ZC3H12C: variants seen among roughly 807,000 people sequenced by gnomAD.
ZC3H12C encodes zinc finger CCCH-type containing 12C.
A neutral mutation model predicts 76.3 loss-of-function variants in ZC3H12C; 20 were observed. The ratio of observed to expected loss-of-function variants is 0.26; its 90% CI spans 0.18 to 0.38. ZC3H12C has a LOEUF of 0.38. Among genes scored for constraint, ZC3H12C ranks in the 10% least tolerant of loss-of-function variants. The probability of loss-of-function intolerance (pLI) is 1.00; values close to 1 mark genes in which losing one functional copy is unlikely to be tolerated. For synonymous variants in ZC3H12C, 352 were observed against 399.6 expected, an observed-to-expected ratio of 0.88 and a Z score of 1.42; for missense variants, 874 against 1,086.5, an observed-to-expected ratio of 0.80 and a Z score of 2.75.
At chr11:110,159,199 C>A in intron 3 of ZC3H12C, 57 bp from the exon 4 acceptor site, 2 of 1,335,488 alleles carry the variant, frequency 1.5e-6, no homozygotes, top group Admixed American at 2.0e-5. Context: ...ATGAAAGTTG[C>A]CATGTGTGTT....
intron 1 of ZC3H12C, among the ~76,000 whole-genome samples, chr11:110,094,460 A>T (rs1356449433): frequency 1.3e-5 from 2 of 152,218 alleles, no homozygotes; most frequent in African/African-American, 4.8e-5. Flanking sequence ...CACTTTTAAA[A>T]TGCATATTAT....
At chr11:110,093,951 G>A (rs1030701511) in intron 1 of ZC3H12C, among the ~76,000 whole-genome samples, 1 of 152,090 alleles carries the variant, frequency 6.6e-6, no homozygotes, top group Admixed American at 6.5e-5. Flanking sequence ...CGAGCGTCAC[G>A]AAAGCCCCTC....
chr11:110,149,887 A>G (rs1441288325), intron 2 of ZC3H12C, among the ~76,000 whole-genome samples: 3 of 151,624 alleles, frequency 2.0e-5, no homozygotes, highest in African/African-American at 7.3e-5. Context: ...CAATATGTCT[A>G]TTTTTCTTAA....
chr11:110,096,926 A>C (rs1294843481), intron 1 of ZC3H12C, among the ~76,000 whole-genome samples: 1 of 152,240 alleles, frequency 6.6e-6, no homozygotes, highest in South Asian at 2.1e-4. Context: ...ACAGCAGTGT[A>C]GTTCACAAAA....
chr11:110,105,643 CTTT>C (rs1390721102), intron 1 of ZC3H12C, among the ~76,000 whole-genome samples: 1 of 151,964 alleles, frequency 6.6e-6, no homozygotes, highest in Non-Finnish European at 1.5e-5. Flanking sequence ...ATTTATAATT[CTTT>C]TTTTCATCTT....
intron 1 of ZC3H12C, among the ~76,000 whole-genome samples, chr11:110,099,827 T>C (rs1263828371): frequency 7.2e-6 from 1 of 138,082 alleles, no homozygotes; most frequent in Non-Finnish European, 1.5e-5. Flanking sequence ...AAAAAAAAAA[T>C]CACAAACATT....
At chr11:110,147,399 A>G (rs770733289) in intron 2 of ZC3H12C, among the ~76,000 whole-genome samples, 15 of 152,086 alleles carry the variant, frequency 9.9e-5, no homozygotes, top group Non-Finnish European at 2.1e-4. Flanking sequence ...AGTTGACTCA[A>G]TGAGAACACA....
At chr11:110,099,131 A>G (rs1337332171) in intron 1 of ZC3H12C, among the ~76,000 whole-genome samples, 1 of 152,172 alleles carries the variant, frequency 6.6e-6, no homozygotes, top group African/African-American at 2.4e-5. Flanking sequence ...TAATCATTCT[A>G]CTATTTCAGT....
At chr11:110,103,062 A>G (rs938792136) in intron 1 of ZC3H12C, among the ~76,000 whole-genome samples, 1 of 152,214 alleles carries the variant, frequency 6.6e-6, no homozygotes, top group Non-Finnish European at 1.5e-5. Context: ...TTACTATTAC[A>G]TTCACTTTAT....
At chr11:110,124,163 C>T (rs1244518485) in intron 1 of ZC3H12C, 1 of 152,198 alleles carries the variant, frequency 6.6e-6, no homozygotes, top group Non-Finnish European at 1.5e-5. Flanking sequence ...GGAAAAGACC[C>T]GTCATCACTG....
chr11:110,166,444 T>C lies in ZC3H12C; in HGVS notation c.*707T>C, dbSNP rs1333742564. The C allele has an allele frequency of 6.6e-6, 1 of 152,188 alleles. No individual in the cohort carries two copies. The highest frequency in any genetic ancestry group is 1.5e-5 in the Non-Finnish European group (1 of 68,032). 9.4% of individuals were successfully genotyped at this position (152,188 alleles called of 1,614,324 possible). A position where few individuals can be genotyped will look rare whatever the true frequency, so the allele number is the denominator to read the frequency against. ...TAAGAAATTAGTTAATTTAATATGG[T>C]CAATTTAAAAGAAAGCAGATGCAAT... is the stretch of plus-strand genomic sequence containing the variant. On this transcript the variant is annotated 3_prime_UTR_variant, in exon 6 of 6. Transcript: ENST00000278590.
intron 1 of ZC3H12C, among the ~76,000 whole-genome samples, chr11:110,132,104 A>G (rs893159670): frequency 6.6e-5 from 10 of 152,230 alleles, no homozygotes; most frequent in Admixed American, 2.0e-4. Flanking sequence ...TAGTATTACC[A>G]TTTGGATAAC....
chr11:110,132,823 T>G (rs1303469316), intron 1 of ZC3H12C, among the ~76,000 whole-genome samples: 3 of 152,182 alleles, frequency 2.0e-5, no homozygotes, highest in Non-Finnish European at 4.4e-5. Context: ...GAGTTTACGT[T>G]TTAGTAAATG....
chr11:110,158,616 T>G (rs1449156786), intron 3 of ZC3H12C, among the ~76,000 whole-genome samples: 2 of 152,174 alleles, frequency 1.3e-5, no homozygotes, highest in African/African-American at 2.4e-5. Flanking sequence ...TTTTACTCAG[T>G]CTGACCCCCA....
At chr11:110,156,579 A>G (rs1862380442) in intron 3 of ZC3H12C, among the ~76,000 whole-genome samples, 1 of 152,246 alleles carries the variant, frequency 6.6e-6, no homozygotes, top group South Asian at 2.1e-4. Context: ...GGATCAAGAC[A>G]TGGCATAGAT....
chr11:110,135,241 G>A (rs1861935004), intron 1 of ZC3H12C, among the ~76,000 whole-genome samples: 1 of 152,122 alleles, frequency 6.6e-6, no homozygotes, highest in Admixed American at 6.5e-5. Flanking sequence ...TGTAATCCCA[G>A]CATTTTGGGA....
chr11:110,135,442 A>G (rs1861938682), intron 1 of ZC3H12C, among the ~76,000 whole-genome samples: 1 of 135,354 alleles, frequency 7.4e-6, no homozygotes, highest in Admixed American at 8.7e-5. Flanking sequence ...GTGAACTGAG[A>G]TTACACCGCT....
chr11:110,145,307 A>G (rs610086), intron 2 of ZC3H12C, among the ~76,000 whole-genome samples: 113,869 of 152,128 alleles, frequency 0.75, 42,729 homozygotes, highest in East Asian at 0.9. Context: ...AGATAATCTT[A>G]TTAGAGCTAT....
intron 1 of ZC3H12C, among the ~76,000 whole-genome samples, chr11:110,096,621 C>G (rs1464166711): frequency 7.2e-5 from 11 of 152,188 alleles, no homozygotes; most frequent in Admixed American, 2.0e-4. Flanking sequence ...TGATCTTAAC[C>G]ACTGTGCAAG....
Sources: allele counts gnomAD v4.1 joint callset (sites outside exome capture counted in the v4.1 genomes callset), GRCh38; gene constraint gnomAD v4.1.1; transcripts MANE v1.5; gene names NCBI Gene and HGNC (gene_info 2026-07-23, HGNC 2026-07-21).